FREM1: variants seen among roughly 807,000 people sequenced by gnomAD.
The protein encoded by FREM1 is FRAS1 related extracellular matrix 1.
A neutral mutation model predicts 210.1 loss-of-function variants in FREM1; 220 were observed. The observed-to-expected ratio is 1.05, with a 90% CI of 0.94 to 1.17. The LOEUF (loss-of-function observed/expected upper bound fraction) is 1.17, where lower values mean the gene tolerates loss of function less well. FREM1 is among the 50% of genes most tolerant of loss of function. FREM1 has a pLI of 0.00. For missense variants in FREM1, 3,454 were observed against 2,675.5 expected, an observed-to-expected ratio of 1.29 and a Z score of -6.42; for synonymous variants, 1,189 against 980.2, an observed-to-expected ratio of 1.21 and a Z score of -3.98.
At chr9:14,898,861 C>T (rs967246467) in intron 1 of FREM1, among the ~76,000 whole-genome samples, 5 of 152,142 alleles carry the variant, frequency 3.3e-5, no homozygotes, top group African/African-American at 1.2e-4. Context: ...TAATGCAAAA[C>T]ATTAATAATA....
intron 25 of FREM1, among the ~76,000 whole-genome samples, chr9:14,775,542 C>T (rs1003988380): frequency 6.6e-5 from 10 of 151,822 alleles, no homozygotes; most frequent in Admixed American, 4.6e-4. Context: ...CGTGTCTCTA[C>T]TAAAAATGCA....
At chr9:14,754,286 G>A (rs1030466046) in intron 29 of FREM1, among the ~76,000 whole-genome samples, 1 of 152,144 alleles carries the variant, frequency 6.6e-6, no homozygotes, top group Non-Finnish European at 1.5e-5. Context: ...TGGGTTGGCC[G>A]CAAGAGCCTG....
chr9:14,890,398 C>T (rs903453390), intron 1 of FREM1, among the ~76,000 whole-genome samples: 3 of 152,118 alleles, frequency 2.0e-5, no homozygotes, highest in East Asian at 1.9e-4. Context: ...TTCACCATAC[C>T]CAAATACATT....
Position 14,737,577 on chromosome 9 carries a change from T to C in FREM1, c.6359A>G (p.His2120Arg). 1.9e-6 allele frequency: 3 copies of C among 1,580,684 alleles called. No homozygotes were observed. The highest frequency in any genetic ancestry group is 2.6e-6 in the Non-Finnish European group (3 of 1,164,120). Reference protein sequence around the residue: ...SFWIGLNDQVHAGHWEWIGGE... With the variant: ...SFWIGLNDQVRAGHWEWIGGE... ...ACCGATCCACTCCCAGTGGCCAGCA[T>C]GCACTTGGTCGTTCAAACCTAATGT... Residue 2120 changes from histidine to arginine, a missense_variant, in exon 37 of 37, where the codon CAT (histidine) becomes CGT (arginine). His to Arg is a conservative substitution (Grantham distance 29, BLOSUM62 0). Transcript: ENST00000380880.
rs776464863 is a variant in FREM1 at position 14,805,047 on chromosome 9, TC to T, written c.3379del (p.Asp1127MetfsTer14). The T allele has an allele frequency of 5.0e-6, 8 of 1,613,308 alleles. No homozygotes were observed. The highest frequency in any genetic ancestry group is 6.8e-6 in the Non-Finnish European group (8 of 1,179,272). ...TATCTCCAAGGAGTGATGCTTCCCA[TC>T]TGTGACGTACACCGTGAACTGGTCG... ...TADQFTVYVT[D>X]GKHHSLEIPF... On this transcript the variant is annotated frameshift_variant, in exon 19 of 37. Transcript: ENST00000380880. LOFTEE classifies it high-confidence loss of function.
chr9:14,879,675 T>C (rs143798286), intron 1 of FREM1, among the ~76,000 whole-genome samples: 1 of 152,318 alleles, frequency 6.6e-6, no homozygotes, highest in Non-Finnish European at 1.5e-5. Context: ...ATCATTCAAT[T>C]TGACGGGATT....
At chr9:14,832,430 T>C (rs1269654203) in intron 10 of FREM1, among the ~76,000 whole-genome samples, 5 of 152,186 alleles carry the variant, frequency 3.3e-5, no homozygotes, top group African/African-American at 1.2e-4. Flanking sequence ...ATAAGCAATA[T>C]GTCTCCTATA....
intron 22 of FREM1, chr9:14,790,975 T>C (rs1851200223): frequency 6.6e-6 from 1 of 152,240 alleles, no homozygotes; most frequent in African/African-American, 2.4e-5. Flanking sequence ...TTCTCTATGG[T>C]GCCTACAATC....
chr9:14,831,935 G>T lies in FREM1; in HGVS notation c.1882-6943C>A, dbSNP rs1383131820. Among the ~76,000 whole-genome samples the T allele has an allele frequency of 4.6e-5, 7 of 152,156 alleles. No individual in the cohort carries two copies. The South Asian group carries it at 1.2e-3, about 27-fold the overall frequency. Reference sequence around the variant, plus strand: ...AAGAGCGACGGACAGAGAATAGCTGGGGGGACGCCCTCTACTGTTTTCATC... The same window carrying T: ...AAGAGCGACGGACAGAGAATAGCTGTGGGGACGCCCTCTACTGTTTTCATC... On this transcript the variant is annotated intron_variant, in intron 10 of 36. Transcript: ENST00000380880.
In FREM1 at chr9:14,812,491, T is replaced by C. The variant is rs146694241; in HGVS notation, c.2893+321A>G. On this transcript the variant is annotated intron_variant, in intron 16 of 36. Coordinates refer to ENST00000380880, the MANE Select transcript of FREM1 (RefSeq NM_001379081.2). The stretch of plus-strand genomic sequence containing the variant: ...CTTCAGGCATTTCTGTCATGATTTA[T>C]AGACCCACCAACTACGATGATCAAA... Among the ~76,000 whole-genome samples, 175 of 152,310 alleles carry C rather than the reference T, an allele frequency of 1.1e-3. 3 individuals are homozygous for C. In the East Asian group the frequency reaches 0.03, roughly 26 times the overall value.
chr9:14,739,465 TATATATATATA>T (rs1391747056), intron 36 of FREM1, among the ~76,000 whole-genome samples: 1 of 140,422 alleles, frequency 7.1e-6, no homozygotes, highest in African/African-American at 2.8e-5. Context: ...TATATATATA[TATATATATATA>T]ATTCATATAT....
intron 13 of FREM1, among the ~76,000 whole-genome samples, chr9:14,821,801 T>C (rs968836629): frequency 4.6e-5 from 7 of 152,230 alleles, no homozygotes; most frequent in Admixed American, 3.3e-4. Context: ...GTGTGCGGGT[T>C]AAATTTTATT....
intron 16 of FREM1, among the ~76,000 whole-genome samples, chr9:14,810,914 A>G (rs576692179): frequency 6.6e-6 from 1 of 152,322 alleles, no homozygotes; most frequent in South Asian, 2.1e-4. Context: ...GTTTTCTGCA[A>G]TGAGTGTGTA....
chr9:14,876,514 G>C (rs199685459), intron 1 of FREM1, among the ~76,000 whole-genome samples: 1 of 152,022 alleles, frequency 6.6e-6, no homozygotes, highest in Non-Finnish European at 1.5e-5. Flanking sequence ...GGTGCGCCAT[G>C]TTTTAAGCCC....
intron 6 of FREM1, among the ~76,000 whole-genome samples, chr9:14,849,780 C>T (rs375376548): frequency 2.6e-5 from 4 of 151,966 alleles, no homozygotes; most frequent in African/African-American, 4.8e-5. Context: ...TACTGTCTAA[C>T]GAAAAAAATC....
rs370222649 is a variant in FREM1, at chr9:14,742,769, G to C, written c.6255-2535C>G. Among the ~76,000 whole-genome samples, 8 of 152,238 alleles carry C rather than the reference G, an allele frequency of 5.3e-5. No homozygotes were observed. In the East Asian group the frequency reaches 1.2e-3, roughly 22 times the overall value. On this transcript the variant is annotated intron_variant, in intron 35 of 36. Transcript: ENST00000380880. ...AAAATCTTATATGTGTTTGCAGTGAGAGAAAAACAATTATTAACACATAAT... is the reference window on the plus strand; with the variant it reads ...AAAATCTTATATGTGTTTGCAGTGACAGAAAAACAATTATTAACACATAAT...
At chr9:14,855,958 T>A (rs758847201) in intron 5 of FREM1, among the ~76,000 whole-genome samples, 1 of 152,054 alleles carries the variant, frequency 6.6e-6, no homozygotes, top group Non-Finnish European at 1.5e-5. Flanking sequence ...CTATTAGTTG[T>A]CTATAGACCT....
chr9:14,829,290 T>C (rs1480507550), intron 10 of FREM1, among the ~76,000 whole-genome samples: 2 of 152,226 alleles, frequency 1.3e-5, no homozygotes, highest in Non-Finnish European at 2.9e-5. Flanking sequence ...CCATCATTGG[T>C]TGTGGAAAAG....
intron 10 of FREM1, among the ~76,000 whole-genome samples, chr9:14,838,948 C>T (rs903716091): frequency 2.0e-5 from 3 of 152,248 alleles, no homozygotes; most frequent in Non-Finnish European, 4.4e-5. Context: ...GAGCTGACAG[C>T]AAGTCCATAG....
Sources: gnomAD v4.1 joint callset for allele counts (sites outside exome capture counted in the v4.1 genomes callset) on GRCh38, gnomAD v4.1.1 for gene constraint, MANE v1.5 for transcripts, NCBI Gene and HGNC (gene_info 2026-07-23, HGNC 2026-07-21) for gene names.